ARHGEF28: variants seen among roughly 807,000 people sequenced by gnomAD.
ARHGEF28 encodes the protein 190 kDa guanine nucleotide exchange factor.
ARHGEF28 carries 152 observed loss-of-function variants against 206.6 expected under a neutral mutation model. That is an observed-to-expected ratio of 0.74 (90% CI 0.64 to 0.84). The LOEUF (loss-of-function observed/expected upper bound fraction) is 0.84. Among genes scored for constraint, ARHGEF28 ranks in the 40% least tolerant of loss-of-function variants. ARHGEF28 has a pLI of 0.00. For synonymous variants in ARHGEF28, 763 were observed against 776.4 expected (o/e 0.98, Z 0.29); for missense variants, 2,028 against 2,073.2 (o/e 0.98, Z 0.42).
intron 1 of ARHGEF28, among the ~76,000 whole-genome samples, chr5:73,647,013 CCCTT>C (rs1231259445): frequency 2.6e-5 from 4 of 152,094 alleles, no homozygotes; most frequent in African/African-American, 9.7e-5. Flanking sequence ...GTGGGCATAC[CCCTT>C]CCTTTGAAGA....
rs1742982584 is a variant in ARHGEF28, at chr5:73,626,202, G to A, written c.-132G>A. ...GCCGCCGCCAGGCGTTGGCATCGCC[G>A]GGGAGAGCCTTCCGGACTCCGGGCG... is the stretch of plus-strand genomic sequence containing the variant. On this transcript the variant is annotated 5_prime_UTR_variant, in exon 1 of 36. Transcript: ENST00000513042. 6.6e-6 allele frequency: 1 copy of A among 151,772 alleles called. No individual in the cohort carries two copies. Among genetic ancestry groups the A allele is most frequent in the African/African-American group, 2.4e-5 (1 of 41,364 alleles). 9.4% of individuals were successfully genotyped at this position (151,772 alleles called of 1,614,324 possible).
intron 2 of ARHGEF28, among the ~76,000 whole-genome samples, chr5:73,696,565 A>G (rs1036822941): frequency 6.6e-6 from 1 of 152,228 alleles, no homozygotes; most frequent in Middle Eastern, 3.2e-3. Context: ...GTAAGCACCA[A>G]TACAACAGAG....
chr5:73,659,995 A>G (rs746730463), intron 1 of ARHGEF28, among the ~76,000 whole-genome samples: 1 of 152,160 alleles, frequency 6.6e-6, no homozygotes, highest in Non-Finnish European at 1.5e-5. Flanking sequence ...CTTTAAAATA[A>G]GACAGTCATG....
intron 9 of ARHGEF28, among the ~76,000 whole-genome samples, chr5:73,817,958 TG>T (rs752792901): frequency 6.6e-6 from 1 of 152,198 alleles, no homozygotes; most frequent in Non-Finnish European, 1.5e-5. Flanking sequence ...ATGGTAGGGT[TG>T]TTTGTGCATC....
chr5:73,864,719 G>GT (rs1003707314), intron 16 of ARHGEF28, 98 bp from the exon 17 acceptor site: 13 of 1,055,056 alleles, frequency 1.2e-5, no homozygotes, highest in East Asian at 2.6e-5. Flanking sequence ...ATGTTTATGT[G>GT]TTTTTTTATA....
chr5:73,694,403 A>G (rs1312953763), intron 2 of ARHGEF28, among the ~76,000 whole-genome samples: 2 of 152,140 alleles, frequency 1.3e-5, no homozygotes, highest in African/African-American at 2.4e-5. Context: ...CAGCTCCCAC[A>G]ATTTGGGTGG....
chr5:73,798,871 T>A (rs771431941), intron 9 of ARHGEF28, among the ~76,000 whole-genome samples: 80 of 151,640 alleles, frequency 5.3e-4, no homozygotes, highest in Non-Finnish European at 9.4e-4. Context: ...GTGGAACACT[T>A]GAGGTCAGGA....
chr5:73,711,263 G>A (rs921046747), intron 2 of ARHGEF28, among the ~76,000 whole-genome samples: 10 of 152,180 alleles, frequency 6.6e-5, no homozygotes, highest in South Asian at 2.1e-4. Flanking sequence ...ATTGAGCAGC[G>A]TTGGTCCTCC....
intron 11 of ARHGEF28, among the ~76,000 whole-genome samples, chr5:73,842,220 C>T (rs1026361861): frequency 6.6e-6 from 1 of 152,052 alleles, no homozygotes; most frequent in African/African-American, 2.4e-5. Context: ...ATTATATGTT[C>T]ATTTTCACGT....
intron 16 of ARHGEF28, among the ~76,000 whole-genome samples, chr5:73,860,219 A>T (rs566462308): frequency 3.3e-5 from 5 of 152,158 alleles, no homozygotes; most frequent in Non-Finnish European, 7.3e-5. Context: ...ATCCAATCTT[A>T]TGTCCAAAAT....
chr5:73,931,172 A>G (rs1192479585), intron 35 of ARHGEF28, among the ~76,000 whole-genome samples: 2 of 152,168 alleles, frequency 1.3e-5, no homozygotes, highest in Non-Finnish European at 2.9e-5. Context: ...CCTGTTGCCA[A>G]GGGTTTGACT....
Position 73,626,548 on chromosome 5 carries a change from C to G in ARHGEF28, c.-12+226C>G, listed in dbSNP as rs528863896. ...ACAAGTGGAGAGGGCGGCGCAGCCT[C>G]GTGCGGCGGCGGCAGCTGCGGAGCG... On this transcript the variant is annotated intron_variant, in intron 1 of 35. Transcript: ENST00000513042. Among the ~76,000 whole-genome samples, 8 of 152,038 alleles carry G rather than the reference C, an allele frequency of 5.3e-5. No homozygotes were observed. The East Asian group carries it at 1.4e-3, about 26-fold the overall frequency.
chr5:73,697,891 A>T (rs1748323746), intron 2 of ARHGEF28, among the ~76,000 whole-genome samples: 1 of 152,160 alleles, frequency 6.6e-6, no homozygotes, highest in African/African-American at 2.4e-5. Context: ...ATGTTAAGTG[A>T]CTTGCCCCAT....
intron 2 of ARHGEF28, among the ~76,000 whole-genome samples, chr5:73,741,510 C>A (rs762851814): frequency 2.8e-4 from 41 of 148,786 alleles, no homozygotes; most frequent in Non-Finnish European, 3.0e-4. Flanking sequence ...ACCTCTGCCT[C>A]CTGGATTCAA....
At chr5:73,866,294 T>C (rs1390472290) in intron 18 of ARHGEF28, among the ~76,000 whole-genome samples, 1 of 152,206 alleles carries the variant, frequency 6.6e-6, no homozygotes, top group African/African-American at 2.4e-5. Context: ...TAAGATGCTG[T>C]CTAGTGGAAT....
At chr5:73,633,505 A>G (rs1743502052) in intron 1 of ARHGEF28, among the ~76,000 whole-genome samples, 1 of 151,776 alleles carries the variant, frequency 6.6e-6, no homozygotes, top group African/African-American at 2.4e-5. Context: ...ACTCAATAAG[A>G]TAGTCTATAT....
chr5:73,841,712 G>GAAAAAAAAAAAAAAAAAAAAAAAAAAAA (rs33935657), intron 11 of ARHGEF28, among the ~76,000 whole-genome samples: 1 of 110,830 alleles, frequency 9.0e-6, no homozygotes, highest in Non-Finnish European at 1.8e-5. Context: ...TCAAAAAGAA[G>GAAAAAAAAAAAAAAAAAAAAAAAAAAAA]AAAAAAAAAA....
intron 4 of ARHGEF28, among the ~76,000 whole-genome samples, chr5:73,772,069 C>G (rs1019703847): frequency 6.6e-6 from 1 of 152,010 alleles, no homozygotes; most frequent in Non-Finnish European, 1.5e-5. Flanking sequence ...AAGTATAATG[C>G]CTTACATTCA....
At chr5:73,660,830 G>A (rs916477102) in intron 1 of ARHGEF28, among the ~76,000 whole-genome samples, 1 of 152,190 alleles carries the variant, frequency 6.6e-6, no homozygotes, top group Admixed American at 6.5e-5. Context: ...AAACCATGCT[G>A]TAGGAAGATG....
Sources: gnomAD v4.1 joint callset for allele counts (sites outside exome capture counted in the v4.1 genomes callset) on GRCh38, gnomAD v4.1.1 for gene constraint, MANE v1.5 for transcripts, NCBI Gene and HGNC (gene_info 2026-07-23, HGNC 2026-07-21) for gene names.